Variants in VPS13A observed in about 807,000 individuals in gnomAD.
The protein encoded by VPS13A is vacuolar protein sorting 13 homolog A, also known as intermembrane lipid transfer protein VPS13A.
VPS13A carries 264 observed loss-of-function variants against 390.9 expected under a neutral mutation model. The ratio of observed to expected loss-of-function variants is 0.68; its 90% confidence interval spans 0.61 to 0.75. VPS13A has a LOEUF of 0.75. VPS13A is among the 30% of genes least tolerant of loss of function. VPS13A has a pLI of 0.00. For missense variants in VPS13A, 3,409 were observed against 3,733.9 expected, an observed-to-expected ratio of 0.91 and a Z score of 2.27; for synonymous variants, 1,231 against 1,227.1, an observed-to-expected ratio of 1.00 and a Z score of -0.07.
intron 45 of VPS13A, among the ~76,000 whole-genome samples, chr9:77,324,314 A>G (rs1829893570): frequency 6.6e-6 from 1 of 152,194 alleles, no homozygotes; most frequent in African/African-American, 2.4e-5. Context: ...CTAGAATACA[A>G]TTCGAGTAGA....
chr9:77,304,241 C>T (rs1375406372), intron 34 of VPS13A, among the ~76,000 whole-genome samples: 1 of 152,198 alleles, frequency 6.6e-6, no homozygotes, highest in Non-Finnish European at 1.5e-5. Flanking sequence ...CCCTAGATCC[C>T]TTAAACCTTG....
intron 23 of VPS13A, among the ~76,000 whole-genome samples, chr9:77,262,749 C>T (rs1479889198): frequency 6.6e-6 from 1 of 152,144 alleles, no homozygotes; most frequent in Non-Finnish European, 1.5e-5. Flanking sequence ...CATGTCCTTG[C>T]AAAGGACATG....
chr9:77,300,147 G>A (rs1439609681), intron 33 of VPS13A, among the ~76,000 whole-genome samples: 2 of 152,118 alleles, frequency 1.3e-5, no homozygotes, highest in African/African-American at 4.8e-5. Flanking sequence ...ATAATATGCT[G>A]TAAGTTTTCA....
chr9:77,388,366 TAAG>T (rs773068619), intron 68 of VPS13A, among the ~76,000 whole-genome samples: 8 of 152,140 alleles, frequency 5.3e-5, no homozygotes, highest in Non-Finnish European at 1.0e-4. Context: ...AGGTCTGTGT[TAAG>T]AGAACTAATT....
chr9:77,278,370 G>T (rs1248592373), intron 26 of VPS13A, among the ~76,000 whole-genome samples: 1 of 151,798 alleles, frequency 6.6e-6, no homozygotes, highest in Non-Finnish European at 1.5e-5. Flanking sequence ...ACCGCGCCTG[G>T]CCACACTTAT....
intron 54 of VPS13A, among the ~76,000 whole-genome samples, chr9:77,356,007 T>C (rs1831757763): frequency 6.6e-6 from 1 of 152,232 alleles, no homozygotes; most frequent in Admixed American, 6.5e-5. Context: ...AGTCAGATTA[T>C]GTTGTTAGTT....
At chr9:77,387,275 A>T (rs904148983) in intron 68 of VPS13A, among the ~76,000 whole-genome samples, 3 of 152,210 alleles carry the variant, frequency 2.0e-5, no homozygotes, top group African/African-American at 7.2e-5. Flanking sequence ...TAATAAGATG[A>T]ACTCTTGTTT....
chr9:77,265,241 A>G (rs1381158834), intron 23 of VPS13A, among the ~76,000 whole-genome samples: 1 of 152,192 alleles, frequency 6.6e-6, no homozygotes, highest in Non-Finnish European at 1.5e-5. Flanking sequence ...CATCAGGGAT[A>G]TTAGCCTGAA....
chr9:77,310,061 C>T (rs1479485575), intron 35 of VPS13A, among the ~76,000 whole-genome samples: 1 of 152,084 alleles, frequency 6.6e-6, no homozygotes, highest in Non-Finnish European at 1.5e-5. Context: ...CTATACACAG[C>T]CAAGCCATCA....
At chr9:77,370,175 C>CT in intron 63 of VPS13A, 82 bp from the exon 64 acceptor site, 1 of 1,493,554 alleles carries the variant, frequency 6.7e-7, no homozygotes, top group Non-Finnish European at 9.3e-7. Context: ...GTTACTACCT[C>CT]TTTCGTCGTA....
chr9:77,298,993 C>T (rs975261517), intron 33 of VPS13A, among the ~76,000 whole-genome samples: 1 of 152,124 alleles, frequency 6.6e-6, no homozygotes, highest in Non-Finnish European at 1.5e-5. Flanking sequence ...GCCAGTTTTC[C>T]CAACACTATT....
intron 1 of VPS13A, among the ~76,000 whole-genome samples, chr9:77,189,925 A>G (rs531012559): frequency 4.9e-4 from 74 of 152,220 alleles, no homozygotes; most frequent in African/African-American, 1.7e-3. Context: ...GTATATAGAA[A>G]TACTACTGAT....
intron 19 of VPS13A, among the ~76,000 whole-genome samples, chr9:77,246,412 TAATA>T (rs1263454274): frequency 6.6e-6 from 1 of 152,164 alleles, no homozygotes; most frequent in Non-Finnish European, 1.5e-5. Flanking sequence ...TATTCTTTAA[TAATA>T]AATTCTTAAC....
intron 45 of VPS13A, among the ~76,000 whole-genome samples, chr9:77,324,602 C>T (rs1209006701): frequency 6.6e-6 from 1 of 152,134 alleles, no homozygotes; most frequent in Non-Finnish European, 1.5e-5. Context: ...ATAATCATGA[C>T]GTCTTACTAA....
At chr9:77,390,916 G>A (rs933726878) in intron 68 of VPS13A, among the ~76,000 whole-genome samples, 4 of 151,982 alleles carry the variant, frequency 2.6e-5, no homozygotes, top group African/African-American at 9.7e-5. Flanking sequence ...TGTCATCATT[G>A]CATCCCTTAA....
At chr9:77,233,780 T>C (rs1823977228) in intron 17 of VPS13A, among the ~76,000 whole-genome samples, 1 of 152,128 alleles carries the variant, frequency 6.6e-6, no homozygotes, top group African/African-American at 2.4e-5. Context: ...ATTAAACTTG[T>C]TGAGATTTGC....
chr9:77,258,947 C>G (rs139082800), intron 22 of VPS13A, among the ~76,000 whole-genome samples: 1 of 152,024 alleles, frequency 6.6e-6, no homozygotes, highest in Non-Finnish European at 1.5e-5. Context: ...TTTGGACTTG[C>G]TCTGTCAGTA....
intron 27 of VPS13A, among the ~76,000 whole-genome samples, chr9:77,280,630 C>T (rs1179394813): frequency 3.3e-5 from 5 of 151,992 alleles, no homozygotes; most frequent in African/African-American, 4.8e-5. Context: ...AACTCCATTC[C>T]TTTTTTATTG....
At chr9:77,304,024 G>A (rs971768651) in intron 34 of VPS13A, among the ~76,000 whole-genome samples, 1 of 152,028 alleles carries the variant, frequency 6.6e-6, no homozygotes, top group African/African-American at 2.4e-5. Flanking sequence ...ACTGGGGGAC[G>A]GTCAGGTCTT....
Sources: allele counts gnomAD v4.1 joint callset (sites outside exome capture counted in the v4.1 genomes callset), GRCh38; gene constraint gnomAD v4.1.1; transcripts MANE v1.5; gene names NCBI Gene and HGNC (gene_info 2026-07-23, HGNC 2026-07-21).